The following FRMD1 variants were observed in gnomAD, a reference collection of about 807,000 sequenced individuals.
FRMD1 encodes the protein FERM domain-containing protein 1.
Under a neutral mutation model 54.9 loss-of-function variants are expected in FRMD1, and 51 were observed. That is an observed-to-expected ratio of 0.93 (90% CI 0.74 to 1.17). The LOEUF is 1.17. Among genes scored for constraint, FRMD1 ranks in the 50% most tolerant of loss-of-function variants. FRMD1 has a pLI of 0.00. For missense variants in FRMD1, 729 were observed against 743.0 expected (o/e 0.98, Z 0.22); for synonymous variants, 324 against 306.4 (o/e 1.06, Z -0.60).
chr6:168,084,902 AG>A (rs1293418819), upstream of FRMD1, among the ~76,000 whole-genome samples: 1 of 152,102 alleles, frequency 6.6e-6, no homozygotes, highest in Admixed American at 6.6e-5. Context: ...CAGCCACAGC[AG>A]GGGGCTGGCA....
chr6:168,081,742 G>A (rs945376720), upstream of FRMD1: 2 of 442,460 alleles, frequency 4.5e-6, no homozygotes, highest in Non-Finnish European at 7.9e-6. Context: ...GCTCCATTCC[G>A]AGACATCCAG....
chr6:168,075,562 T>C lies in FRMD1; in HGVS notation c.214-227A>G, dbSNP rs557294992. Among the ~76,000 whole-genome samples, 12 of 152,302 alleles carry C rather than the reference T, an allele frequency of 7.9e-5. No homozygotes were observed. The East Asian group carries it at 1.2e-3, about 15-fold the overall frequency. ...TGAGGGTGGAGGGGGTGGGGTGCTC[T>C]GGACAGTGGATCAGGGCTGCCCCCT... On this transcript the variant is annotated intron_variant, in intron 1 of 10. Coordinates refer to ENST00000283309, the MANE Select transcript of FRMD1 (RefSeq NM_024919.6).
intron 1 of FRMD1, among the ~76,000 whole-genome samples, chr6:168,092,327 C>T (rs1801028550): frequency 6.6e-6 from 1 of 152,228 alleles, no homozygotes; most frequent in African/African-American, 2.4e-5. Context: ...GCACACTGGG[C>T]TGCTCTGGAC....
At chr6:168,062,052 T>A in intron 7 of FRMD1, 71 bp from the exon 8 acceptor site, 1 of 1,491,380 alleles carries the variant, frequency 6.7e-7, no homozygotes. Context: ...AGGATGATTT[T>A]AAATGTCAGC....
chr6:168,078,543 C>CAGCCGCAGTTG (rs1800693338), intron 1 of FRMD1, among the ~76,000 whole-genome samples: 1 of 147,998 alleles, frequency 6.8e-6, no homozygotes, highest in Non-Finnish European at 1.5e-5. Flanking sequence ...CCCCCACGGC[C>CAGCCGCAGTTG]CTGCTCACCC....
In FRMD1 at chr6:168,063,623, A is replaced by C. The variant is rs1255541661; in HGVS notation, c.782T>G (p.Val261Gly). The change falls in exon 6 of 11, where the codon GTG (valine) becomes GGG (glycine). Residue 261 changes from valine to glycine, a missense_variant. Val to Gly is a moderately radical substitution (Grantham distance 109). Coordinates refer to ENST00000283309, the MANE Select transcript of FRMD1 (RefSeq NM_024919.6). ...QEACRLEDVP[V>G]HFFRLHKDKK... ...GACCTTGTGCAGCCTGAAGAAGTGC[A>C]CGGGCACGTCCTCCAGCCGGCAGGC... 2 of 1,612,654 alleles carry C rather than the reference A, an allele frequency of 1.2e-6. No homozygotes were observed. The highest frequency in any genetic ancestry group is 1.1e-5 in the South Asian group (1 of 90,938).
At chr6:168,091,016 C>T (rs536237960) in intron 1 of FRMD1, among the ~76,000 whole-genome samples, 1 of 152,244 alleles carries the variant, frequency 6.6e-6, no homozygotes, top group African/African-American at 2.4e-5. Flanking sequence ...CGGCTCCGCT[C>T]TCTGCCCTGG....
intron 1 of FRMD1, among the ~76,000 whole-genome samples, chr6:168,089,421 G>C (rs555978641): frequency 3.3e-5 from 5 of 152,234 alleles, no homozygotes; most frequent in Non-Finnish European, 7.3e-5. Context: ...TTCCTCCTTC[G>C]TTCAGGGACC....
In FRMD1 at chr6:168,056,599, G is replaced by A. The variant is rs3734897; in HGVS notation, c.*498C>T. On this transcript the variant is annotated 3_prime_UTR_variant, in exon 11 of 11. Coordinates refer to ENST00000283309, the MANE Select transcript of FRMD1 (RefSeq NM_024919.6). ...TTGCAAACAGGAGTTGCAGAGAGGG[G>A]TTCAGGTCTGGGAGGAACCTGGGTC... The A allele has an allele frequency of 0.84, 128,599 of 152,554 alleles. 54,402 individuals carry two copies. The highest frequency in any genetic ancestry group is 0.89 in the Non-Finnish European group (61,007 of 68,288). 9.5% of individuals were successfully genotyped at this position (152,554 alleles called of 1,614,324 possible).
At chr6:168,061,749 G>C in intron 8 of FRMD1, 58 bp downstream of exon 8, 1 of 1,480,628 alleles carries the variant, frequency 6.8e-7, no homozygotes, top group South Asian at 1.3e-5. Context: ...AGTGTGCCCA[G>C]CCTAGCCCAG....
At chr6:168,089,529 G>T (rs1047147490) in intron 1 of FRMD1, among the ~76,000 whole-genome samples, 4 of 152,198 alleles carry the variant, frequency 2.6e-5, no homozygotes, top group Admixed American at 1.3e-4. Flanking sequence ...AGGAATGGCC[G>T]CCTCCAGGCA....
In FRMD1 at chr6:168,057,339, T is replaced by G. The variant is rs894296479; in HGVS notation, c.1408A>C (p.Ile470Leu). 6.2e-7 allele frequency: 1 copy of G among 1,609,532 alleles called. No homozygotes were observed. Among genetic ancestry groups the G allele is most frequent in the Non-Finnish European group, 8.5e-7 (1 of 1,179,804 alleles). Residue 470 changes from isoleucine to leucine, a missense_variant and splice_region_variant, in exon 11 of 11, where the codon ATC becomes CTC. Physicochemically the swap from Ile to Leu is conservative, Grantham distance 5 (BLOSUM62 2). Transcript: ENST00000283309. ...CTGACCCCGGCTGTCATTTCCTGGA[T>G]CTGCGGGGAGAGGCCATGGGATGAG... ...RGQSAEAVHQ[I>L]QEMTAGVSEE...
At chr6:168,067,247 C>A in intron 3 of FRMD1, 120 bp downstream of exon 3, 1 of 704,916 alleles carries the variant, frequency 1.4e-6, no homozygotes, top group South Asian at 1.6e-5. Flanking sequence ...CCAACCCACG[C>A]ATCCCCGCGG....
intron 6 of FRMD1, among the ~76,000 whole-genome samples, chr6:168,063,199 A>T (rs1442396888): frequency 6.6e-6 from 1 of 152,148 alleles, no homozygotes; most frequent in Non-Finnish European, 1.5e-5. Context: ...GAGCCTGGCC[A>T]TGCCGGGCCC....
At chr6:168,079,302 AAT>A, upstream of FRMD1, 1 of 934,082 alleles carries the variant, frequency 1.1e-6, no homozygotes, top group Non-Finnish European at 1.5e-6. Flanking sequence ...GGGCGCCAGG[AAT>A]GCAAATAAAC....
At chr6:168,080,189 CG>C (rs1328358391), upstream of FRMD1, among the ~76,000 whole-genome samples, 1 of 152,064 alleles carries the variant, frequency 6.6e-6, no homozygotes, top group Admixed American at 6.5e-5. Context: ...GCACTCCAGC[CG>C]CCCTAAGGCC....
chr6:168,076,464 G>A (rs1317810938), intron 1 of FRMD1, among the ~76,000 whole-genome samples: 5 of 152,184 alleles, frequency 3.3e-5, no homozygotes, highest in South Asian at 4.1e-4. Flanking sequence ...GCCGGTGGGA[G>A]GTGACTGAAT....
upstream of FRMD1, among the ~76,000 whole-genome samples, chr6:168,085,892 G>A (rs566960431): frequency 4.6e-5 from 7 of 152,138 alleles, no homozygotes; most frequent in East Asian, 3.9e-4. Context: ...GTGGTCCCTC[G>A]GCACACCGCA....
chr6:168,076,666 A>C (rs1800608863), intron 1 of FRMD1, among the ~76,000 whole-genome samples: 1 of 152,222 alleles, frequency 6.6e-6, no homozygotes, highest in Non-Finnish European at 1.5e-5. Context: ...GAGTCAATTA[A>C]ACCTCTTTCC....
Sources: gnomAD v4.1 joint callset for allele counts (sites outside exome capture counted in the v4.1 genomes callset) on GRCh38, gnomAD v4.1.1 for gene constraint, MANE v1.5 for transcripts, NCBI Gene and HGNC (gene_info 2026-07-23, HGNC 2026-07-21) for gene names.